BRSK2: variants seen among roughly 807,000 people sequenced by gnomAD.
The protein encoded by BRSK2 is BR serine/threonine kinase 2, also known as serine/threonine-protein kinase BRSK2.
In BRSK2, 19 loss-of-function variants were observed where a neutral mutation model predicts 83.3. That is an observed-to-expected ratio of 0.23 (90% confidence interval 0.16 to 0.33). BRSK2 has a LOEUF of 0.33. Ranked by LOEUF, BRSK2 falls within the 10% of genes least tolerant of loss-of-function variation. The pLI is 1.00. For missense variants in BRSK2, 798 were observed against 1,042.3 expected, an observed-to-expected ratio of 0.77 and a Z score of 3.23; for synonymous variants, 519 against 435.4, an observed-to-expected ratio of 1.19 and a Z score of -2.39.
intron 14 of BRSK2, among the ~76,000 whole-genome samples, chr11:1,451,042 G>GC (rs1220649782): frequency 6.6e-6 from 1 of 152,234 alleles, no homozygotes; most frequent in African/African-American, 2.4e-5. Flanking sequence ...CTGGGGCCAG[G>GC]CACACAGCAA....
In BRSK2 at chr11:1,460,460, C is replaced by CTTT. The variant is rs781049550; in HGVS notation, c.1988-40_1988-39insTTT. On this transcript the variant is annotated intron_variant, in intron 19 of 19. Transcript: ENST00000528841. ...TCTCTCCCCCTTTTTTTTCTTTTTTCCTTTTTTTTTTTTTTTTTGTCTCTG... is the reference window on the plus strand; with the variant it reads ...TCTCTCCCCCTTTTTTTTCTTTTTTCTTTCTTTTTTTTTTTTTTTTTGTCTCTG... 3.7e-5 allele frequency: 41 copies of CTTT among 1,122,758 alleles called. 4 individuals carry two copies. The highest frequency in any genetic ancestry group is 9.0e-5 in the Admixed American group (2 of 22,146). 69.5% of individuals were successfully genotyped at this position (1,122,758 alleles called of 1,614,324 possible). A position where few individuals can be genotyped will look rare whatever the true frequency, so the allele number is the denominator to read the frequency against.
chr11:1,436,162 GCC>G (rs1564839084), intron 2 of BRSK2, 28 bp downstream of exon 2: 1 of 367,190 alleles, frequency 2.7e-6, no homozygotes. Context: ...GGGAGGCGGG[GCC>G]GGCGGTGGGG....
At chr11:1,457,098 C>A in intron 18 of BRSK2, 1 of 1,472,418 alleles carries the variant, frequency 6.8e-7, no homozygotes, top group Non-Finnish European at 9.1e-7. Flanking sequence ...CGGGCAGGTC[C>A]TCGGCGGAGC....
chr11:1,411,177 T>G, intron 1 of BRSK2: 2 of 1,231,496 alleles, frequency 1.6e-6, no homozygotes, highest in Non-Finnish European at 2.0e-6. Flanking sequence ...AGTTCCTCCT[T>G]CCTGGTCACT....
At chr11:1,457,810 AGT>A (rs1471639320) in intron 18 of BRSK2, among the ~76,000 whole-genome samples, 1 of 149,740 alleles carries the variant, frequency 6.7e-6, no homozygotes, top group East Asian at 1.9e-4. Context: ...GCCCCCCCAG[AGT>A]GTGCTTCACC....
intron 18 of BRSK2, 196 bp downstream of exon 18, chr11:1,456,883 G>C: frequency 6.5e-7 from 1 of 1,528,784 alleles, no homozygotes; most frequent in Non-Finnish European, 8.8e-7. Context: ...GGGACCACCC[G>C]CCTCGCCTCT....
intron 19 of BRSK2, among the ~76,000 whole-genome samples, chr11:1,460,212 C>T (rs1018188342): frequency 2.0e-5 from 3 of 152,180 alleles, no homozygotes; most frequent in Admixed American, 6.5e-5. Context: ...AGCTCGGAGG[C>T]GCTGGGGTCC....
intron 8 of BRSK2, among the ~76,000 whole-genome samples, chr11:1,444,590 A>G (rs1286045050): frequency 6.6e-6 from 1 of 151,926 alleles, no homozygotes; most frequent in Non-Finnish European, 1.5e-5. Context: ...TCCTAGAGCC[A>G]CGGAGGGGCC....
intron 1 of BRSK2, chr11:1,411,645 G>A (rs780913397): frequency 3.1e-5 from 47 of 1,537,218 alleles, no homozygotes; most frequent in South Asian, 2.2e-4. Flanking sequence ...TGCGTGCCAC[G>A]CTCCCTGGCT....
chr11:1,436,165 G>A (rs757947297), intron 2 of BRSK2, 31 bp downstream of exon 2: 6 of 817,020 alleles, frequency 7.3e-6, no homozygotes, highest in East Asian at 3.4e-5. Context: ...AGGCGGGGCC[G>A]GCGGTGGGGT....
intron 1 of BRSK2, among the ~76,000 whole-genome samples, chr11:1,392,845 T>C (rs888148752): frequency 6.6e-6 from 1 of 151,938 alleles, no homozygotes; most frequent in South Asian, 2.1e-4. Flanking sequence ...GGCTGTAGGG[T>C]CGTCCTTCTG....
rs772959193 is a variant in BRSK2, at chr11:1,445,874, G to A, written c.1193G>A (p.Arg398Gln). 55 of 1,611,454 alleles carry A rather than the reference G, an allele frequency of 3.4e-5. No individual in the cohort carries two copies. The Admixed American group carries it at 3.8e-4, about 11-fold the overall frequency. The change falls in exon 12 of 20, where the codon CGG becomes CAG. Residue 398 changes from arginine to glutamine, a missense_variant. This residue lies in a region of BRSK2 where 51 missense variants were observed against 52.6 expected (regional missense o/e 0.97). Coordinates refer to ENST00000528841, the MANE Select transcript of BRSK2 (RefSeq NM_001256627.2). ...VTDGGSPVPA[R>Q]RAIEMAQHGQ... ...GACGGCGGCTCCCCGGTGCCTGCGC[G>A]GCGGGCCATTGAGATGGCCCAGCAC...
chr11:1,447,209 T>C (rs1342607496), intron 12 of BRSK2, among the ~76,000 whole-genome samples: 1 of 152,166 alleles, frequency 6.6e-6, no homozygotes, highest in African/African-American at 2.4e-5. Flanking sequence ...TACATTCTAC[T>C]GTCCTGACCT....
At position 1,443,037 on chromosome 11, in the gene BRSK2, A is replaced by G. The variant is rs929177439; in HGVS notation, c.531-69A>G. 5 of 1,495,212 alleles carry G rather than the reference A, an allele frequency of 3.3e-6. No individual in the cohort carries two copies. The African/African-American group carries it at 7.0e-5, about 21-fold the overall frequency. The allele number at this position is 1,495,212 out of a possible 1,614,324, so 92.6% of individuals were successfully genotyped here. A position where few individuals can be genotyped will look rare whatever the true frequency, so the allele number is the denominator to read the frequency against. ...GGCCTCCTTGAGGGCCCTGCGGTGC[A>G]CCATCACCCTGGGGGGAGGGCCTGG... On this transcript the variant is annotated intron_variant, in intron 5 of 19. Transcript: ENST00000528841.
intron 12 of BRSK2, chr11:1,447,680 G>A: frequency 9.0e-6 from 8 of 890,926 alleles, no homozygotes; most frequent in Non-Finnish European, 1.4e-5. Context: ...CGCCATCTTT[G>A]TGCAGCGGCC....
intron 19 of BRSK2, chr11:1,459,575 C>T: frequency 5.6e-6 from 2 of 356,528 alleles, no homozygotes; most frequent in South Asian, 3.4e-5. Context: ...GGGCCGGTGC[C>T]CATCCCTCTG....
intron 1 of BRSK2, chr11:1,410,502 GC>G (rs1284048690): frequency 9.1e-6 from 9 of 985,506 alleles, no homozygotes; most frequent in Non-Finnish European, 1.2e-6. Flanking sequence ...TGGGTGCTGG[GC>G]CCGCAGACTT....
intron 1 of BRSK2, among the ~76,000 whole-genome samples, chr11:1,422,648 A>T (rs1377010187): frequency 6.6e-6 from 1 of 152,066 alleles, no homozygotes; most frequent in Admixed American, 6.5e-5. Flanking sequence ...GCTTCCAAGG[A>T]CACTCCTCCC....
At chr11:1,425,790 C>T (rs1201072604) in intron 1 of BRSK2, among the ~76,000 whole-genome samples, 3 of 152,186 alleles carry the variant, frequency 2.0e-5, no homozygotes, top group Non-Finnish European at 4.4e-5. Flanking sequence ...AGGCACCCGA[C>T]AGGGTCCCCA....
Sources: gnomAD v4.1 joint callset for allele counts (sites outside exome capture counted in the v4.1 genomes callset) on GRCh38, gnomAD v4.1.1 for gene constraint, gnomAD v4.1.1 regional missense constraint, MANE v1.5 for transcripts, NCBI Gene and HGNC (gene_info 2026-07-23, HGNC 2026-07-21) for gene names.